Variants in MAF observed in about 807,000 individuals in gnomAD.
MAF encodes transcription factor Maf.
MAF carries 10 observed loss-of-function variants against 22.0 expected under a neutral mutation model. The observed-to-expected ratio is 0.45, with a 90% confidence interval of 0.28 to 0.77. The LOEUF (loss-of-function observed/expected upper bound fraction) is 0.77. Among genes scored for constraint, MAF ranks in the 30% least tolerant of loss-of-function variants. The pLI, the probability that MAF is intolerant of heterozygous loss-of-function variation, is 0.12. For synonymous variants in MAF, 337 were observed against 255.8 expected, an observed-to-expected ratio of 1.32 and a Z score of -3.03; for missense variants, 544 against 548.4, an observed-to-expected ratio of 0.99 and a Z score of 0.08.
At chr16:79,595,962 T>A in intron 1 of MAF, 2 of 1,061,124 alleles carry the variant, frequency 1.9e-6, no homozygotes, top group Non-Finnish European at 2.3e-6. Context: ...TGATTTGTCA[T>A]GTTTATGTTA....
chr16:79,482,219 A>T, the MAF span, among the ~76,000 whole-genome samples: 1 of 152,238 alleles, frequency 6.6e-6, no homozygotes, highest in Non-Finnish European at 1.5e-5. Flanking sequence ...GACCACAGTC[A>T]TATGACAGTT....
chr16:79,598,421 C>G, intron 1 of MAF: 1 of 732,952 alleles, frequency 1.4e-6, no homozygotes. Flanking sequence ...GATCATTGAA[C>G]ATTGTGCAAG....
At chr16:79,338,654 A>AAATGG in the MAF span, among the ~76,000 whole-genome samples, 10 of 152,196 alleles carry the variant, frequency 6.6e-5, no homozygotes, top group Admixed American at 2.0e-4. Context: ...GGAAGAAAAA[A>AAATGG]AATGGGAGAG....
chr16:79,522,185 G>C, the MAF span, among the ~76,000 whole-genome samples: 1 of 152,206 alleles, frequency 6.6e-6, no homozygotes, highest in Admixed American at 6.5e-5. Context: ...AGGAGAGCCT[G>C]GGTTGAGATC....
the MAF span, among the ~76,000 whole-genome samples, chr16:79,245,885 G>T: frequency 6.6e-6 from 1 of 151,984 alleles, no homozygotes; most frequent in Non-Finnish European, 1.5e-5. Context: ...CCATAAAAAA[G>T]GATGAGTTCA....
chr16:79,327,877 C>T, the MAF span, among the ~76,000 whole-genome samples: 1 of 152,228 alleles, frequency 6.6e-6, no homozygotes, highest in Non-Finnish European at 1.5e-5. Flanking sequence ...ATATCCTTTA[C>T]AGAGTGTTCT....
the MAF span, among the ~76,000 whole-genome samples, chr16:79,524,968 G>T: frequency 2.0e-5 from 3 of 152,108 alleles, no homozygotes. Flanking sequence ...TTACTTTAAG[G>T]TGACAATTTC....
At chr16:79,369,259 T>C in the MAF span, among the ~76,000 whole-genome samples, 2 of 152,166 alleles carry the variant, frequency 1.3e-5, no homozygotes, top group African/African-American at 4.8e-5. Context: ...GCCTTCCCTA[T>C]GTGCTGGGAG....
At chr16:79,304,533 C>T in the MAF span, among the ~76,000 whole-genome samples, 3 of 151,958 alleles carry the variant, frequency 2.0e-5, no homozygotes, top group African/African-American at 4.8e-5. Context: ...GGTCTCACTA[C>T]CAGAACTAGC....
the MAF span, among the ~76,000 whole-genome samples, chr16:79,510,790 C>T: frequency 7.9e-5 from 12 of 152,230 alleles, no homozygotes; most frequent in South Asian, 2.1e-4. Context: ...GTGTTGGGCC[C>T]CACACATTGG....
At chr16:79,340,777 C>G in the MAF span, among the ~76,000 whole-genome samples, 1 of 152,072 alleles carries the variant, frequency 6.6e-6, no homozygotes, top group Non-Finnish European at 1.5e-5. Context: ...GTTGTGATGA[C>G]TAAAAATGTC....
At chr16:79,325,103 G>A in the MAF span, among the ~76,000 whole-genome samples, 1 of 152,066 alleles carries the variant, frequency 6.6e-6, no homozygotes, top group African/African-American at 2.4e-5. Flanking sequence ...CTCAACTTGA[G>A]ACCCTTAATT....
chr16:79,207,287 C>T, the MAF span, among the ~76,000 whole-genome samples: 3 of 152,226 alleles, frequency 2.0e-5, no homozygotes, highest in Non-Finnish European at 2.9e-5. Context: ...CCAACAGACA[C>T]CAGATGAGTA....
At chr16:79,501,161 C>T in the MAF span, among the ~76,000 whole-genome samples, 1 of 152,166 alleles carries the variant, frequency 6.6e-6, no homozygotes, top group Middle Eastern at 3.2e-3. Context: ...AAGCATCTGT[C>T]CTAGCTTCTG....
the MAF span, among the ~76,000 whole-genome samples, chr16:79,314,391 G>A: frequency 6.6e-6 from 1 of 152,136 alleles, no homozygotes; most frequent in Non-Finnish European, 1.5e-5. Context: ...CGCTCCCAGG[G>A]TATAACATTT....
the MAF span, among the ~76,000 whole-genome samples, chr16:79,221,351 T>C: frequency 1.3e-5 from 2 of 152,200 alleles, no homozygotes; most frequent in African/African-American, 4.8e-5. Context: ...TTCAGTCATG[T>C]TACCGTTTTC....
At chr16:79,283,841 C>T in the MAF span, among the ~76,000 whole-genome samples, 1 of 151,998 alleles carries the variant, frequency 6.6e-6, no homozygotes, top group Non-Finnish European at 1.5e-5. Flanking sequence ...GAACTTTCAC[C>T]AAGCTGCTTG....
intron 1 of MAF, chr16:79,598,436 G>C (rs1409374397): frequency 8.0e-7 from 1 of 1,252,378 alleles, no homozygotes; most frequent in Admixed American, 3.7e-5. Flanking sequence ...TGCAAGTCCG[G>C]GGGTGGGGCG....
the MAF span, among the ~76,000 whole-genome samples, chr16:79,353,235 C>T: frequency 6.6e-5 from 10 of 152,100 alleles, no homozygotes; most frequent in Non-Finnish European, 2.9e-5. Context: ...AATTCTCTTG[C>T]CTCAGCCTCC....
Sources: gnomAD v4.1 joint callset for allele counts (sites outside exome capture counted in the v4.1 genomes callset) on GRCh38, gnomAD v4.1.1 for gene constraint, MANE v1.5 for transcripts, NCBI Gene and HGNC (gene_info 2026-07-23, HGNC 2026-07-21) for gene names.